SNX14: variants seen among roughly 807,000 people sequenced by gnomAD.
SNX14 encodes sorting nexin 14.
In SNX14, 93 loss-of-function variants were observed where a neutral mutation model predicts 133.8. The ratio of observed to expected loss-of-function variants is 0.70; its 90% confidence interval spans 0.59 to 0.83. The LOEUF (loss-of-function observed/expected upper bound fraction) is 0.83, where lower values mean the gene tolerates loss of function less well. Ranked by LOEUF, SNX14 falls within the 40% of genes least tolerant of loss-of-function variation. The probability of loss-of-function intolerance (pLI) is 0.00; values close to 1 mark genes in which losing one functional copy is unlikely to be tolerated. For missense variants in SNX14, 945 were observed against 1,094.9 expected, an observed-to-expected ratio of 0.86 and a Z score of 1.93; for synonymous variants, 368 against 365.6, an observed-to-expected ratio of 1.01 and a Z score of -0.07.
rs934913392 is a variant in SNX14 at position 85,517,622 on chromosome 6, A to G, written c.2268+134T>C. On this transcript the variant is annotated intron_variant, in intron 23 of 28. Coordinates refer to ENST00000314673, the MANE Select transcript of SNX14 (RefSeq NM_153816.6). Reference sequence around the variant, plus strand: ...CACAATACCCTCTGTATACCGTTCAACTGATTTCCACATAAAGGAAATGTA... The same window carrying G: ...CACAATACCCTCTGTATACCGTTCAGCTGATTTCCACATAAAGGAAATGTA... The G allele has an allele frequency of 5.3e-5, 57 of 1,069,222 alleles. No individual in the cohort carries two copies. The African/African-American group carries it at 9.1e-4, about 17-fold the overall frequency. The allele number at this position is 1,069,222 out of a possible 1,614,324, so 66.2% of individuals were successfully genotyped here.
At chr6:85,507,589 T>C (rs1328199081) in intron 27 of SNX14, among the ~76,000 whole-genome samples, 2 of 152,166 alleles carry the variant, frequency 1.3e-5, no homozygotes, top group African/African-American at 4.8e-5. Flanking sequence ...ACAACTGTAT[T>C]GAGATCTCAA....
At chr6:85,569,778 G>A (rs1052152327) in intron 4 of SNX14, among the ~76,000 whole-genome samples, 1 of 152,064 alleles carries the variant, frequency 6.6e-6, no homozygotes, top group Non-Finnish European at 1.5e-5. Context: ...CACTTCATAG[G>A]TTATACATAG....
intron 1 of SNX14, among the ~76,000 whole-genome samples, chr6:85,579,219 C>T (rs1310932995): frequency 6.6e-6 from 1 of 152,080 alleles, no homozygotes; most frequent in Non-Finnish European, 1.5e-5. Context: ...AAGTGACCAA[C>T]CCCAAAGAAG....
chr6:85,533,487 T>C, intron 18 of SNX14, 112 bp downstream of exon 18: 1 of 961,804 alleles, frequency 1.0e-6, no homozygotes, highest in South Asian at 1.7e-5. Context: ...ACTTCTCTTT[T>C]GGATATGCAG....
chr6:85,554,897 G>A (rs1462929135), intron 7 of SNX14, among the ~76,000 whole-genome samples: 2 of 151,758 alleles, frequency 1.3e-5, no homozygotes, highest in East Asian at 3.9e-4. Context: ...ATAGCTCACT[G>A]CAGTCTCAAA....
intron 8 of SNX14, among the ~76,000 whole-genome samples, chr6:85,549,148 T>C (rs1464402903): frequency 6.6e-6 from 1 of 151,880 alleles, no homozygotes; most frequent in Non-Finnish European, 1.5e-5. Context: ...AAGAACCACA[T>C]AAAAATTTTA....
chr6:85,514,446 T>C (rs188528814), intron 24 of SNX14, 60 bp downstream of exon 24: 11 of 1,579,514 alleles, frequency 7.0e-6, no homozygotes, highest in African/African-American at 2.7e-5. Flanking sequence ...AAGATCATTA[T>C]TTGCATCACA....
chr6:85,507,184 C>A, intron 28 of SNX14, 49 bp downstream of exon 28: 1 of 1,450,126 alleles, frequency 6.9e-7, no homozygotes, highest in South Asian at 1.2e-5. Flanking sequence ...AAATAAATGT[C>A]AGCATACCAT....
In SNX14 at chr6:85,584,463, C is replaced by T. The variant is rs1800017301; in HGVS notation, c.140+9116G>A. On this transcript the variant is annotated intron_variant, in intron 1 of 28. Transcript: ENST00000314673. Reference sequence around the variant, plus strand: ...AACTATCATCAGAGTGAACAGGCAACCTACAGCATGGGAGAAAATTTCTGC... The same window carrying T: ...AACTATCATCAGAGTGAACAGGCAATCTACAGCATGGGAGAAAATTTCTGC... Among the ~76,000 whole-genome samples the T allele has an allele frequency of 1.3e-5, 2 of 152,040 alleles. 1 individual carries two copies. Among genetic ancestry groups the T allele is most frequent in the South Asian group, 4.1e-4 (2 of 4,828 alleles).
At chr6:85,537,874 G>A (rs1025365165) in intron 16 of SNX14, among the ~76,000 whole-genome samples, 3 of 152,030 alleles carry the variant, frequency 2.0e-5, no homozygotes, top group African/African-American at 4.8e-5. Flanking sequence ...ACTTGGACCC[G>A]CAAGATTGCA....
intron 1 of SNX14, chr6:85,589,706 T>C (rs993926942): frequency 6.6e-6 from 1 of 152,278 alleles, no homozygotes; most frequent in African/African-American, 2.4e-5. Flanking sequence ...TTTCCTTGAT[T>C]GGCTCTGGTG....
intron 1 of SNX14, among the ~76,000 whole-genome samples, chr6:85,586,083 A>G (rs996205607): frequency 1.3e-5 from 2 of 152,136 alleles, no homozygotes; most frequent in African/African-American, 4.8e-5. Flanking sequence ...AATACAAGAC[A>G]CTACAAGGAA....
chr6:85,540,407 G>A (rs1439640315), intron 15 of SNX14, among the ~76,000 whole-genome samples: 1 of 152,174 alleles, frequency 6.6e-6, no homozygotes, highest in Non-Finnish European at 1.5e-5. Context: ...TGCTTCTCAA[G>A]TATGCCAGTA....
At chr6:85,589,335 C>T (rs911356394) in intron 1 of SNX14, 13 of 158,182 alleles carry the variant, frequency 8.2e-5, no homozygotes, top group Non-Finnish European at 1.7e-4. Context: ...TCTTCCCCAC[C>T]TCAGCCCCCC....
At chr6:85,534,173 AG>A (rs1781123608) in intron 17 of SNX14, among the ~76,000 whole-genome samples, 1 of 152,198 alleles carries the variant, frequency 6.6e-6, no homozygotes, top group South Asian at 2.1e-4. Flanking sequence ...GGGTTCTGAA[AG>A]ATAATGTCAG....
chr6:85,559,474 T>G (rs927390512), intron 6 of SNX14, among the ~76,000 whole-genome samples: 1 of 152,198 alleles, frequency 6.6e-6, no homozygotes, highest in Non-Finnish European at 1.5e-5. Flanking sequence ...CTTTGATTTT[T>G]AAAAAATTGT....
At chr6:85,546,877 C>T (rs1785704867) in intron 12 of SNX14, among the ~76,000 whole-genome samples, 1 of 150,680 alleles carries the variant, frequency 6.6e-6, no homozygotes, top group South Asian at 2.1e-4. Flanking sequence ...AGGAGAATCG[C>T]TTGAACCCAG....
In SNX14 at chr6:85,593,574, G is replaced by A; in HGVS notation, c.140+5C>T. ...CGCCGCCCAGGCTCCGCGCTGCGGC[G>A]TTACCTGTTAAGAAGCAGGGAGGCG... On this transcript the variant is annotated splice_donor_5th_base_variant and intron_variant, in intron 1 of 28. Coordinates refer to ENST00000314673, the MANE Select transcript of SNX14 (RefSeq NM_153816.6). 6.2e-7 allele frequency: 1 copy of A among 1,608,416 alleles called. No individual in the cohort carries two copies.
intron 20 of SNX14, among the ~76,000 whole-genome samples, chr6:85,526,684 C>G (rs566861481): frequency 2.0e-4 from 30 of 152,220 alleles, no homozygotes; most frequent in African/African-American, 6.5e-4. Flanking sequence ...TTTTAAAAGT[C>G]GGCATAAAGG....
Sources: allele counts gnomAD v4.1 joint callset (sites outside exome capture counted in the v4.1 genomes callset), GRCh38; gene constraint gnomAD v4.1.1; transcripts MANE v1.5; gene names NCBI Gene and HGNC (gene_info 2026-07-23, HGNC 2026-07-21).